SLC4A8: variants seen among roughly 807,000 people sequenced by gnomAD.
SLC4A8 encodes solute carrier family 4 member 8.
SLC4A8 carries 40 observed loss-of-function variants against 125.0 expected under a neutral mutation model. The observed-to-expected ratio is 0.32, with a 90% CI of 0.25 to 0.42. The LOEUF (loss-of-function observed/expected upper bound fraction) is 0.42, where lower values mean the gene tolerates loss of function less well. Ranked by LOEUF, SLC4A8 falls within the 10% of genes least tolerant of loss-of-function variation. The probability of loss-of-function intolerance (pLI) is 1.00; values close to 1 mark genes in which losing one functional copy is unlikely to be tolerated. For missense variants in SLC4A8, 863 were observed against 1,355.1 expected (o/e 0.64, Z 5.70); for synonymous variants, 456 against 476.0 (o/e 0.96, Z 0.55).
chr12:51,461,994 AT>A (rs397937146), intron 9 of SLC4A8: 32 of 204,912 alleles, frequency 1.6e-4, no homozygotes, highest in East Asian at 4.1e-4. Flanking sequence ...GCTGATTAAA[AT>A]TTTTTTTTTC....
intron 17 of SLC4A8, among the ~76,000 whole-genome samples, chr12:51,487,065 G>A (rs1951181035): frequency 1.3e-5 from 2 of 152,200 alleles, no homozygotes; most frequent in African/African-American, 4.8e-5. Flanking sequence ...AGGTTCCAAA[G>A]GGATAGGCCT....
Position 51,508,049 on chromosome 12 carries a change from A to G in SLC4A8, c.*611A>G. On this transcript the variant is annotated 3_prime_UTR_variant, in exon 25 of 25. Transcript: ENST00000453097. Reference sequence around the variant, plus strand: ...GGCAGTGCCTGCCACCACAGCCAGGAAGATGCCTCTGACCTGGGTGCATCT... The same window carrying G: ...GGCAGTGCCTGCCACCACAGCCAGGGAGATGCCTCTGACCTGGGTGCATCT... 1 of 152,462 alleles carries G rather than the reference A, an allele frequency of 6.6e-6. No individual in the cohort carries two copies. Among genetic ancestry groups the G allele is most frequent in the Non-Finnish European group, 1.5e-5 (1 of 68,114 alleles). The allele number at this position is 152,462 out of a possible 1,614,324, so 9.4% of individuals were successfully genotyped here. A position where few individuals can be genotyped will look rare whatever the true frequency, so the allele number is the denominator to read the frequency against.
intron 7 of SLC4A8, among the ~76,000 whole-genome samples, chr12:51,459,315 A>G (rs529195160): frequency 5.8e-4 from 88 of 152,332 alleles, no homozygotes; most frequent in African/African-American, 1.9e-3. Context: ...AGCTTCAGAA[A>G]CATTTCTCTT....
intron 1 of SLC4A8, among the ~76,000 whole-genome samples, chr12:51,402,860 G>T (rs1592139732): frequency 6.6e-6 from 1 of 152,264 alleles, no homozygotes; most frequent in East Asian, 1.9e-4. Context: ...GTGTCTTCTG[G>T]GGGTGCTTGT....
intron 22 of SLC4A8, among the ~76,000 whole-genome samples, chr12:51,499,421 G>C (rs916282805): frequency 4.6e-5 from 7 of 151,772 alleles, no homozygotes; most frequent in African/African-American, 1.7e-4. Flanking sequence ...CTCTCTAGTT[G>C]GTAAGATTAT....
At chr12:51,483,698 T>G (rs1306310990) in intron 16 of SLC4A8, among the ~76,000 whole-genome samples, 1 of 152,208 alleles carries the variant, frequency 6.6e-6, no homozygotes, top group African/African-American at 2.4e-5. Context: ...TAAAATAATT[T>G]TCAAGGTTTG....
chr12:51,490,057 T>A (rs1951268395), intron 19 of SLC4A8, 106 bp downstream of exon 19: 2 of 1,068,250 alleles, frequency 1.9e-6, no homozygotes, highest in African/African-American at 3.1e-5. Context: ...CAAGTATAAA[T>A]CCCTGCCCTG....
chr12:51,469,929 C>T, intron 12 of SLC4A8, 141 bp downstream of exon 12: 1 of 695,782 alleles, frequency 1.4e-6, no homozygotes, highest in Non-Finnish European at 2.4e-6. Flanking sequence ...GGTCTTCTGA[C>T]ATCACACCAA....
At chr12:51,471,741 A>G (rs1452186559) in intron 14 of SLC4A8, among the ~76,000 whole-genome samples, 1 of 152,202 alleles carries the variant, frequency 6.6e-6, no homozygotes, top group Non-Finnish European at 1.5e-5. Context: ...TAGAAGTGAA[A>G]CACGAAGGGG....
In SLC4A8 at chr12:51,487,044, G is replaced by A. The variant is rs116098568; in HGVS notation, c.2286+1144G>A. On this transcript the variant is annotated intron_variant, in intron 17 of 24. Transcript: ENST00000453097. ...AATAGGTAATATGGGAACATTAAGC[G>A]GTCCTTGGAAAGGTTCCAAAGGGAT... Among the ~76,000 whole-genome samples, 871 of 152,242 alleles carry A rather than the reference G, an allele frequency of 5.7e-3. 9 individuals are homozygous for A. Among genetic ancestry groups the A allele is most frequent in the African/African-American group, 0.02 (833 of 41,522 alleles).
At chr12:51,403,847 G>A (rs534744588) in intron 1 of SLC4A8, among the ~76,000 whole-genome samples, 4 of 152,366 alleles carry the variant, frequency 2.6e-5, no homozygotes, top group East Asian at 3.8e-4. Context: ...TAGGCAGGGC[G>A]GTTGCTAGCA....
chr12:51,480,072 C>G (rs1217536988), intron 16 of SLC4A8: 2 of 365,060 alleles, frequency 5.5e-6, no homozygotes, highest in Non-Finnish European at 1.0e-5. Flanking sequence ...TCCCGAGTAG[C>G]TGGGACTACA....
chr12:51,400,778 A>G (rs1218274164), intron 1 of SLC4A8, among the ~76,000 whole-genome samples: 1,013 of 3,350 alleles, frequency 0.3, 153 homozygotes, highest in Non-Finnish European at 0.38. Context: ...ATATATATAT[A>G]CATACATACA....
rs1045782037 is a variant in SLC4A8 at position 51,488,828 on chromosome 12, G to A, written c.2416G>A (p.Val806Ile). The change falls in exon 18 of 25, where the codon GTC becomes ATC. Residue 806 changes from valine to isoleucine, a missense_variant. Physicochemically the swap from Val to Ile is conservative, Grantham distance 29 (BLOSUM62 3). Coordinates refer to ENST00000453097, the MANE Select transcript of SLC4A8 (RefSeq NM_001039960.3). ...ATTCATGGATCAGCAGATCACAGCC[G>A]TCATTATTAACAGGAAGGAACATAA... ...LIFMDQQITA[V>I]IINRKEHKLK... is the part of the protein sequence containing the mutation. 7.4e-6 allele frequency: 12 copies of A among 1,613,450 alleles called. No homozygotes were observed. The highest frequency in any genetic ancestry group is 4.0e-5 in the African/African-American group (3 of 74,878).
intron 1 of SLC4A8, chr12:51,402,971 G>C (rs1306959062): frequency 1.3e-5 from 4 of 317,066 alleles, no homozygotes; most frequent in Non-Finnish European, 2.5e-5. Context: ...CCCCCCCAGT[G>C]AAAGGAGAGA....
intron 16 of SLC4A8, among the ~76,000 whole-genome samples, chr12:51,483,657 T>A (rs1417201354): frequency 1.3e-5 from 2 of 152,108 alleles, no homozygotes; most frequent in Non-Finnish European, 2.9e-5. Context: ...ACTTTTTACA[T>A]CCAAGTTCAA....
intron 1 of SLC4A8, 38 bp downstream of exon 1, chr12:51,425,073 G>C: frequency 6.5e-7 from 1 of 1,541,116 alleles, no homozygotes; most frequent in Non-Finnish European, 8.8e-7. Context: ...CTCCTCCCCG[G>C]GGCGCAGCCT....
At chr12:51,394,975 G>A (rs922129172) in intron 1 of SLC4A8, among the ~76,000 whole-genome samples, 1 of 152,102 alleles carries the variant, frequency 6.6e-6, no homozygotes, top group Non-Finnish European at 1.5e-5. Flanking sequence ...GCTGCGGCGA[G>A]CTGTGACTGC....
intron 2 of SLC4A8, among the ~76,000 whole-genome samples, chr12:51,447,700 A>C (rs1336644981): frequency 6.7e-6 from 1 of 148,864 alleles, no homozygotes; most frequent in Non-Finnish European, 1.5e-5. Context: ...CTCTGTGAGC[A>C]TGTGGGATTT....
Sources: allele counts gnomAD v4.1 joint callset (sites outside exome capture counted in the v4.1 genomes callset), GRCh38; gene constraint gnomAD v4.1.1; transcripts MANE v1.5; gene names NCBI Gene and HGNC (gene_info 2026-07-23, HGNC 2026-07-21).